RYR1: variants seen among roughly 807,000 people sequenced by gnomAD.
RYR1 encodes the protein ryanodine receptor 1, also known as central core disease of muscle.
Under a neutral mutation model 583.5 loss-of-function variants are expected in RYR1, and 342 were observed. The observed-to-expected ratio is 0.59, with a 90% CI of 0.54 to 0.64. The LOEUF is 0.64. RYR1 is among the 30% of genes least tolerant of loss of function. The pLI is 0.00. For synonymous variants in RYR1, 2,791 were observed against 2,822.5 expected (o/e 0.99, Z 0.35); for missense variants, 6,032 against 6,917.2 (o/e 0.87, Z 4.54).
chr19:38,453,212 C>A (rs1247765612), intron 13 of RYR1, among the ~76,000 whole-genome samples, 198 bp downstream of exon 13: 1 of 84,906 alleles, frequency 1.2e-5, no homozygotes, highest in Middle Eastern at 6.1e-3. Context: ...TTGGGAGGGG[C>A]GGGCCTGCTG....
chr19:38,481,462 G>A (rs1205118081), intron 31 of RYR1, among the ~76,000 whole-genome samples: 1 of 152,150 alleles, frequency 6.6e-6, no homozygotes, highest in African/African-American at 2.4e-5. Flanking sequence ...ATATATTTTA[G>A]GTGGTTGCTC....
chr19:38,444,599 A>G lies in RYR1; in HGVS notation c.553A>G (p.Ser185Gly). 6.2e-7 allele frequency: 1 copy of G among 1,613,858 alleles called. No homozygotes were observed. Among genetic ancestry groups the G allele is most frequent in the Non-Finnish European group, 8.5e-7 (1 of 1,179,908 alleles). ...TGGCCCCCAGCACCTGTCGACCGCC[A>G]GTGGGGAGCTCCAGGTTGACGCTTC... ...SERYLHLSTA[S>G]GELQVDASFM... The change falls in exon 7 of 106, where the codon AGT (serine) becomes GGT (glycine). Residue 185 changes from serine to glycine, a missense_variant. Around this residue, in one of 11 missense-constraint regions of RYR1, gnomAD observed 338 missense variants for 441.6 expected, o/e 0.77. Coordinates refer to ENST00000359596, the MANE Select transcript of RYR1 (RefSeq NM_000540.3). This position sits in a 1 kb window ranked among gnomAD's most constrained non-coding sequence, Gnocchi z 5.1.
chr19:38,464,611 C>T (rs753812420), intron 22 of RYR1, 28 bp from the exon 23 acceptor site: 1 of 1,552,710 alleles, frequency 6.4e-7, no homozygotes, highest in South Asian at 1.2e-5. Flanking sequence ...AGGGGCGTGA[C>T]CTGTCGCCTC....
intron 54 of RYR1, 130 bp downstream of exon 54, chr19:38,506,076 G>C (rs1451108347): frequency 7.9e-6 from 10 of 1,268,334 alleles, no homozygotes; most frequent in Non-Finnish European, 6.6e-6. Context: ...GAGGGGTGCA[G>C]AAACCTGAGA....
intron 30 of RYR1, 78 bp from the exon 31 acceptor site, chr19:38,478,357 G>T: frequency 6.5e-7 from 1 of 1,529,348 alleles, no homozygotes; most frequent in Non-Finnish European, 9.0e-7. Context: ...GTGTGTTTCC[G>T]GGAGCTTGGG....
intron 96 of RYR1, among the ~76,000 whole-genome samples, chr19:38,575,525 G>A (rs550741931): frequency 6.0e-5 from 9 of 151,238 alleles, no homozygotes; most frequent in South Asian, 2.1e-4. Flanking sequence ...TTAGCCGGGC[G>A]TGGTGGTGGG....
intron 89 of RYR1, among the ~76,000 whole-genome samples, chr19:38,556,774 G>A (rs113772432): frequency 6.6e-6 from 1 of 152,250 alleles, no homozygotes; most frequent in African/African-American, 2.4e-5. Context: ...TGTCCTAGTT[G>A]TAGAGCTTCC....
Position 38,502,593 on chromosome 19 carries a change from G to T in RYR1, c.7701G>T (p.Pro2567=). ...TGCCGCTCATCACCAAGTGTGCGCC[G>T]CTCTTTGCGGGCACAGAACACCGCG... The part of the protein sequence containing the change: ...AVLPLITKCA[P]LFAGTEHRAI... Residue 2567 remains proline (P), a synonymous_variant, in exon 48 of 106, where the codon CCG becomes CCT. Transcript: ENST00000359596. The T allele has an allele frequency of 6.2e-7, 1 of 1,612,556 alleles. No homozygotes were observed. The highest frequency in any genetic ancestry group is 8.5e-7 in the Non-Finnish European group (1 of 1,179,896).
chr19:38,476,525 G>T (rs1383136204), intron 29 of RYR1, among the ~76,000 whole-genome samples: 2 of 152,086 alleles, frequency 1.3e-5, no homozygotes, highest in Admixed American at 6.6e-5. Context: ...TAGAAACGGG[G>T]TTTCACCATG....
At chr19:38,544,004 A>G in intron 87 of RYR1, 129 bp downstream of exon 87, 1 of 897,556 alleles carries the variant, frequency 1.1e-6, no homozygotes, top group Non-Finnish European at 1.8e-6. Context: ...GTTCCCTCTC[A>G]GTGGCCAAAT....
intron 93 of RYR1, 68 bp from the exon 94 acceptor site, chr19:38,570,539 A>T: frequency 8.6e-7 from 1 of 1,169,398 alleles, no homozygotes; most frequent in Non-Finnish European, 1.3e-6. Flanking sequence ...CAGGTAAATG[A>T]TGGGATGAAT....
At chr19:38,485,150 A>G (rs1232410532) in intron 33 of RYR1, among the ~76,000 whole-genome samples, 1 of 152,184 alleles carries the variant, frequency 6.6e-6, no homozygotes, top group African/African-American at 2.4e-5. Flanking sequence ...AGGGGGACCC[A>G]GTCTGGGGGC....
chr19:38,563,349 C>G (rs991728381), intron 90 of RYR1, among the ~76,000 whole-genome samples: 1 of 152,208 alleles, frequency 6.6e-6, no homozygotes, highest in Non-Finnish European at 1.5e-5. Flanking sequence ...CACTCAACCT[C>G]CACCTCCTGG....
intron 88 of RYR1, 111 bp downstream of exon 88, chr19:38,546,637 T>A: frequency 1.2e-6 from 1 of 847,908 alleles, no homozygotes; most frequent in South Asian, 1.4e-5. Context: ...TGACATCGTG[T>A]CAGGATCCAT....
At chr19:38,466,517 T>C in intron 24 of RYR1, 119 bp downstream of exon 24, 1 of 1,081,734 alleles carries the variant, frequency 9.2e-7, no homozygotes, top group East Asian at 2.6e-5. Flanking sequence ...TTTTTTTTTT[T>C]TTTTTGAGAC....
chr19:38,466,365 G>T lies in RYR1; in HGVS notation c.3145G>T (p.Gly1049Cys), dbSNP rs990842315. The T allele has an allele frequency of 1.3e-6, 2 of 1,570,232 alleles. No homozygotes were observed. Among genetic ancestry groups the T allele is most frequent in the Admixed American group, 1.9e-5 (1 of 53,710 alleles). ...CQAVRTLLGYGYNIEPPDQEP... is the reference protein window; with the variant it reads ...CQAVRTLLGYCYNIEPPDQEP... ...GGCCGTGCGCACCCTCCTGGGCTAC[G>T]GCTACAACATCGAGCCTCCTGACCA... The change falls in exon 24 of 106, where the codon GGC becomes TGC. Residue 1049 changes from glycine to cysteine, a missense_variant. Coordinates refer to ENST00000359596, the MANE Select transcript of RYR1 (RefSeq NM_000540.3).
chr19:38,579,994 CT>C lies in RYR1; in HGVS notation c.14378del (p.Leu4793ArgfsTer6). 1 of 1,614,178 alleles carries C rather than the reference CT, an allele frequency of 6.2e-7. No homozygotes were observed. The highest frequency in any genetic ancestry group is 1.6e-4 in the Middle Eastern group (1 of 6,062). ...VIFTDNSFLY[L>X]GWYMVMSLLG... ...TGTGTGCCCACAGTCCTTCCTGTACCTGGGCTGGTATATGGTGATGTCCCTC... is the reference window on the plus strand; with the variant it reads ...TGTGTGCCCACAGTCCTTCCTGTACCGGGCTGGTATATGGTGATGTCCCTC... On this transcript the variant is annotated frameshift_variant, in exon 100 of 106. Coordinates refer to ENST00000359596, the MANE Select transcript of RYR1 (RefSeq NM_000540.3). LOFTEE classifies it high-confidence loss of function.
intron 50 of RYR1, 102 bp downstream of exon 50, chr19:38,504,462 G>A (rs990923546): frequency 3.4e-6 from 5 of 1,453,590 alleles, no homozygotes; most frequent in Non-Finnish European, 4.7e-6. Context: ...GTTCAAGGAG[G>A]AGAAGGTTCT....
In RYR1 at chr19:38,475,372, C is replaced by T. The variant is rs752410805; in HGVS notation, c.4215C>T (p.Pro1405=). ...TGATGACCCAGCCACCGGCCACCCC[C>T]ACGCTGCCCCGACTCCCTCACGACG... ...VAMMTQPPAT[P]TLPRLPHDVV... is the part of the protein sequence containing the mutation. The change falls in exon 29 of 106, where the codon CCC becomes CCT. Residue 1405 remains proline, a synonymous_variant. Coordinates refer to ENST00000359596, the MANE Select transcript of RYR1 (RefSeq NM_000540.3). 1.9e-6 allele frequency: 3 copies of T among 1,613,098 alleles called. No homozygotes were observed. The highest frequency in any genetic ancestry group is 1.3e-5 in the African/African-American group (1 of 74,902).
Sources: gnomAD v4.1 joint callset for allele counts (sites outside exome capture counted in the v4.1 genomes callset) on GRCh38, gnomAD v4.1.1 for gene constraint, gnomAD v4.1.1 regional missense constraint, Gnocchi (gnomAD v3.1) non-coding constraint, MANE v1.5 for transcripts, NCBI Gene and HGNC (gene_info 2026-07-23, HGNC 2026-07-21) for gene names.